ENOX1: variants seen among roughly 807,000 people sequenced by gnomAD.
ENOX1 encodes the protein candidate growth-related and time keeping constitutive hydroquinone (NADH) oxidase.
A neutral mutation model predicts 82.5 loss-of-function variants in ENOX1; 42 were observed. That is an observed-to-expected ratio of 0.51 (90% CI 0.40 to 0.66). The LOEUF is 0.66. Ranked by LOEUF, ENOX1 falls within the 30% of genes least tolerant of loss-of-function variation. The pLI, the probability that ENOX1 is intolerant of heterozygous loss-of-function variation, is 0.00. For synonymous variants in ENOX1, 271 were observed against 282.2 expected, an observed-to-expected ratio of 0.96 and a Z score of 0.40; for missense variants, 608 against 811.6, an observed-to-expected ratio of 0.75 and a Z score of 3.05.
chr13:43,426,011 C>T (rs925143477), intron 3 of ENOX1, among the ~76,000 whole-genome samples: 1 of 152,176 alleles, frequency 6.6e-6, no homozygotes, highest in Non-Finnish European at 1.5e-5. Flanking sequence ...TGTGAACACA[C>T]TTGTTATGTT....
At chr13:43,695,729 T>G (rs1392931718) in intron 1 of ENOX1, among the ~76,000 whole-genome samples, 1 of 152,202 alleles carries the variant, frequency 6.6e-6, no homozygotes, top group Non-Finnish European at 1.5e-5. Flanking sequence ...ATTACAGGCG[T>G]GAGCCACCGC....
chr13:43,240,253 GT>G (rs2153461245), intron 14 of ENOX1, among the ~76,000 whole-genome samples: 1 of 152,306 alleles, frequency 6.6e-6, no homozygotes, highest in South Asian at 2.1e-4. Context: ...GAAGTTCTAA[GT>G]TTTTAAGGAT....
intron 5 of ENOX1, among the ~76,000 whole-genome samples, chr13:43,376,464 T>A (rs769563034): frequency 6.6e-6 from 1 of 152,210 alleles, no homozygotes; most frequent in African/African-American, 2.4e-5. Context: ...GTTGAAGGCA[T>A]GTCAGGTGCT....
intron 14 of ENOX1, among the ~76,000 whole-genome samples, chr13:43,263,530 T>G (rs994035984): frequency 2.6e-5 from 4 of 152,230 alleles, no homozygotes; most frequent in African/African-American, 9.6e-5. Flanking sequence ...TAAGTGACTT[T>G]TAAAATTTTT....
intron 2 of ENOX1, among the ~76,000 whole-genome samples, chr13:43,588,370 A>G (rs752883140): frequency 6.6e-6 from 1 of 152,162 alleles, no homozygotes; most frequent in Non-Finnish European, 1.5e-5. Context: ...TAAGATCTCC[A>G]TTTCTTTTAC....
chr13:43,243,525 C>T (rs531535064), intron 14 of ENOX1, among the ~76,000 whole-genome samples: 56 of 152,126 alleles, frequency 3.7e-4, no homozygotes, highest in Admixed American at 2.7e-3. Context: ...TGGCCTGAAG[C>T]GATCCTCTTG....
intron 1 of ENOX1, among the ~76,000 whole-genome samples, chr13:43,689,604 C>T (rs528774846): frequency 4.6e-5 from 7 of 152,246 alleles, no homozygotes; most frequent in Admixed American, 2.6e-4. Flanking sequence ...AGATGGACTG[C>T]TTTAGGGCTA....
chr13:43,690,128 C>A (rs79917471), intron 1 of ENOX1, among the ~76,000 whole-genome samples: 3,157 of 152,074 alleles, frequency 0.021, 119 homozygotes, highest in African/African-American at 0.073. Flanking sequence ...AGAGTGGTAT[C>A]CATCAATCTA....
chr13:43,378,782 C>A (rs928626626), intron 5 of ENOX1, among the ~76,000 whole-genome samples: 3 of 152,084 alleles, frequency 2.0e-5, no homozygotes, highest in Admixed American at 6.5e-5. Context: ...GTCTGGTAAC[C>A]AATTAAAAAT....
Position 43,298,510 on chromosome 13 carries a change from C to T in ENOX1, c.1282G>A (p.Ala428Thr), listed in dbSNP as rs776535217. Residue 428 changes from alanine (A) to threonine (T), a missense_variant, in exon 12 of 17, where the codon GCT becomes ACT. Coordinates refer to ENST00000690772, the MANE Select transcript of ENOX1 (RefSeq NM_001347969.2). ...AGACTGTCATTCTCCTCTTTCAGAG[C>T]GTAGGCCTGGGCAGCCAGGGCTGAG... ...DESALAAQAY[A>T]LKEENDSLRW... 5.0e-6 allele frequency: 8 copies of T among 1,612,874 alleles called. No homozygotes were observed. Among genetic ancestry groups the T allele is most frequent in the Non-Finnish European group, 5.9e-6 (7 of 1,179,754 alleles).
intron 5 of ENOX1, among the ~76,000 whole-genome samples, chr13:43,411,074 A>T (rs979893074): frequency 6.6e-6 from 1 of 152,116 alleles, no homozygotes; most frequent in East Asian, 1.9e-4. Context: ...TCCTGATAAC[A>T]TCTTTCCTCA....
chr13:43,777,734 G>C (rs1952006109), intron 1 of ENOX1, among the ~76,000 whole-genome samples: 1 of 151,466 alleles, frequency 6.6e-6, no homozygotes, highest in African/African-American at 2.4e-5. Flanking sequence ...ATTTTTAGTA[G>C]AGACGGGGTT....
Position 43,298,349 on chromosome 13 carries a change from C to T in ENOX1, c.1443G>A (p.Gln481=), listed in dbSNP as rs1163391528. The T allele has an allele frequency of 1.9e-6, 3 of 1,603,292 alleles. No individual in the cohort carries two copies. The highest frequency in any genetic ancestry group is 2.5e-6 in the Non-Finnish European group (3 of 1,176,596). ...QFLQQTMQGM[Q]QQLLTIQEEL... ...AAAAAAAATCTGGGCCAGGTACCTG[C>T]TGCATGCCTTGCATGGTTTGCTGCA... Residue 481 remains glutamine, a synonymous_variant, in exon 12 of 17, where the codon CAG becomes CAA. Transcript: ENST00000690772.
chr13:43,770,686 TACACACACACAC>T (rs149111203), intron 1 of ENOX1, among the ~76,000 whole-genome samples: 74 of 146,244 alleles, frequency 5.1e-4, no homozygotes, highest in Middle Eastern at 3.5e-3. Flanking sequence ...TACGTATGTG[TACACACACACAC>T]ACACACACAC....
intron 1 of ENOX1, among the ~76,000 whole-genome samples, chr13:43,745,850 G>C (rs2153829275): frequency 6.6e-6 from 1 of 152,162 alleles, no homozygotes; most frequent in South Asian, 2.1e-4. Context: ...CCCCCTTTTG[G>C]TCAGCACTTC....
chr13:43,777,838 G>A (rs1212523355), intron 1 of ENOX1, among the ~76,000 whole-genome samples: 2 of 152,042 alleles, frequency 1.3e-5, no homozygotes, highest in African/African-American at 4.8e-5. Flanking sequence ...AAAATTGCAT[G>A]TGAATCTACA....
chr13:43,338,907 G>A (rs1018433425), intron 9 of ENOX1, among the ~76,000 whole-genome samples: 15 of 151,930 alleles, frequency 9.9e-5, no homozygotes, highest in South Asian at 4.2e-4. Context: ...GGATGGTCTC[G>A]ATCTCCTGAC....
chr13:43,530,891 T>G (rs2078180621), intron 2 of ENOX1, among the ~76,000 whole-genome samples: 1 of 152,012 alleles, frequency 6.6e-6, no homozygotes, highest in Non-Finnish European at 1.5e-5. Flanking sequence ...CCAGTTAATC[T>G]CAATATAACC....
intron 14 of ENOX1, among the ~76,000 whole-genome samples, chr13:43,241,473 C>T (rs571635792): frequency 1.2e-4 from 18 of 152,026 alleles, no homozygotes; most frequent in Non-Finnish European, 2.1e-4. Context: ...CACAGCGGGA[C>T]GGGAACATTA....
Sources: allele counts gnomAD v4.1 joint callset (sites outside exome capture counted in the v4.1 genomes callset), GRCh38; gene constraint gnomAD v4.1.1; transcripts MANE v1.5; gene names NCBI Gene and HGNC (gene_info 2026-07-23, HGNC 2026-07-21).